The following MPPED2 variants were observed in gnomAD, a reference collection of about 807,000 sequenced individuals.
The protein encoded by MPPED2 is metallophosphoesterase domain containing 2.
Under a neutral mutation model 33.0 loss-of-function variants are expected in MPPED2, and 5 were observed. The ratio of observed to expected loss-of-function variants is 0.15; its 90% confidence interval spans 0.08 to 0.32. The LOEUF is 0.32. Among genes scored for constraint, MPPED2 ranks in the 10% least tolerant of loss-of-function variants. The pLI, the probability that MPPED2 is intolerant of heterozygous loss-of-function variation, is 1.00. For missense variants in MPPED2, 275 were observed against 372.1 expected, an observed-to-expected ratio of 0.74 and a Z score of 2.15; for synonymous variants, 136 against 141.9, an observed-to-expected ratio of 0.96 and a Z score of 0.29.
At chr11:30,401,886 A>G (rs808155) in intron 6 of MPPED2, among the ~76,000 whole-genome samples, 29,693 of 135,598 alleles carry the variant, frequency 0.22, 5,040 homozygotes, top group Non-Finnish European at 0.33. Flanking sequence ...TTTAGTAGAG[A>G]CAGGGTTTCA....
intron 4 of MPPED2, among the ~76,000 whole-genome samples, chr11:30,471,953 A>C (rs937603515): frequency 7.2e-6 from 1 of 138,920 alleles, no homozygotes; most frequent in African/African-American, 2.6e-5. Context: ...ACCAAATGAC[A>C]AAAAAAAAAC....
intron 2 of MPPED2, among the ~76,000 whole-genome samples, chr11:30,538,848 A>G (rs1954947250): frequency 6.6e-6 from 1 of 152,128 alleles, no homozygotes; most frequent in Non-Finnish European, 1.5e-5. Context: ...ACAGATGCAG[A>G]CTTTATATAG....
intron 4 of MPPED2, among the ~76,000 whole-genome samples, chr11:30,419,866 A>G (rs1374206525): frequency 6.6e-6 from 1 of 152,186 alleles, no homozygotes; most frequent in Non-Finnish European, 1.5e-5. Flanking sequence ...GAGGACTGTA[A>G]TGATGTTGTT....
intron 5 of MPPED2, among the ~76,000 whole-genome samples, chr11:30,415,600 C>G (rs113566096): frequency 6.6e-6 from 1 of 152,128 alleles, no homozygotes; most frequent in Non-Finnish European, 1.5e-5. Context: ...TTTAACAATA[C>G]CTTAGGAAGA....
intron 1 of MPPED2, among the ~76,000 whole-genome samples, chr11:30,582,895 C>G (rs1368652338): frequency 6.6e-6 from 1 of 152,180 alleles, no homozygotes; most frequent in Non-Finnish European, 1.5e-5. Flanking sequence ...TTCATCTTTG[C>G]CATGTTCCCT....
chr11:30,548,066 C>G (rs985564877), intron 2 of MPPED2, among the ~76,000 whole-genome samples: 1 of 152,130 alleles, frequency 6.6e-6, no homozygotes, highest in East Asian at 1.9e-4. Flanking sequence ...CAAGACCTGG[C>G]TTTGGACCAT....
intron 2 of MPPED2, among the ~76,000 whole-genome samples, chr11:30,553,865 A>C (rs1955837295): frequency 6.6e-6 from 1 of 152,350 alleles, no homozygotes; most frequent in South Asian, 2.1e-4. Flanking sequence ...AGAAAAGCCT[A>C]TACTGCAAGG....
At chr11:30,493,158 C>T (rs1264204365) in intron 4 of MPPED2, among the ~76,000 whole-genome samples, 1 of 151,950 alleles carries the variant, frequency 6.6e-6, no homozygotes, top group Non-Finnish European at 1.5e-5. Flanking sequence ...CCGAGGCGGG[C>T]GGATCACGAG....
At chr11:30,550,227 G>T (rs949362378) in intron 2 of MPPED2, among the ~76,000 whole-genome samples, 2 of 152,062 alleles carry the variant, frequency 1.3e-5, no homozygotes, top group African/African-American at 2.4e-5. Context: ...TCAGTGAAAA[G>T]ATTTATAATC....
At chr11:30,395,614 T>C (rs1947830846) in intron 6 of MPPED2, among the ~76,000 whole-genome samples, 1 of 152,212 alleles carries the variant, frequency 6.6e-6, no homozygotes, top group Admixed American at 6.5e-5. Flanking sequence ...GATGCAAACA[T>C]ATTCCTATTT....
intron 4 of MPPED2, among the ~76,000 whole-genome samples, chr11:30,485,907 A>G (rs1305224817): frequency 6.6e-5 from 10 of 152,186 alleles, no homozygotes; most frequent in Admixed American, 6.5e-4. Flanking sequence ...TATGAAGCAC[A>G]TAACACAACA....
At chr11:30,484,039 T>G (rs1951612684) in intron 4 of MPPED2, among the ~76,000 whole-genome samples, 1 of 152,244 alleles carries the variant, frequency 6.6e-6, no homozygotes, top group Non-Finnish European at 1.5e-5. Flanking sequence ...ACTCTGCTCT[T>G]CTTTTTCTTT....
intron 3 of MPPED2, among the ~76,000 whole-genome samples, chr11:30,504,247 CCT>C (rs1445428538): frequency 2.0e-5 from 3 of 152,098 alleles, no homozygotes; most frequent in Non-Finnish European, 4.4e-5. Context: ...ACTTTTGAAG[CCT>C]CTCTATTTCA....
intron 4 of MPPED2, among the ~76,000 whole-genome samples, chr11:30,436,074 T>TA (rs997723984): frequency 7.4e-6 from 1 of 134,496 alleles, no homozygotes; most frequent in Non-Finnish European, 1.6e-5. Context: ...TTTTTTTTTT[T>TA]ACTAACTGAG....
chr11:30,522,387 TACACACACACAC>T (rs60549510), intron 3 of MPPED2, among the ~76,000 whole-genome samples: 2,133 of 146,364 alleles, frequency 0.015, 48 homozygotes, highest in African/African-American at 0.051. Context: ...CAGGAAAACA[TACACACACACAC>T]ACACACACAC....
At chr11:30,417,426 T>TTTGG in intron 5 of MPPED2, 92 bp downstream of exon 5, 2 of 524,994 alleles carry the variant, frequency 3.8e-6, no homozygotes, top group South Asian at 3.1e-5. Context: ...TTTTTTTTTT[T>TTTGG]GGAGGAAAAT....
intron 3 of MPPED2, among the ~76,000 whole-genome samples, chr11:30,514,496 G>T (rs1265747765): frequency 6.6e-6 from 1 of 152,092 alleles, no homozygotes; most frequent in African/African-American, 2.4e-5. Flanking sequence ...GCTGAAAACT[G>T]CTTTGTGCCT....
At chr11:30,484,961 C>A (rs1019960507) in intron 4 of MPPED2, among the ~76,000 whole-genome samples, 1 of 152,034 alleles carries the variant, frequency 6.6e-6, no homozygotes, top group African/African-American at 2.4e-5. Context: ...CATGGTAATA[C>A]CACCATAGAA....
intron 6 of MPPED2, among the ~76,000 whole-genome samples, chr11:30,399,226 G>A (rs594207): frequency 0.36 from 54,316 of 151,484 alleles, 10,008 homozygotes; most frequent in Non-Finnish European, 0.38. Flanking sequence ...TCAAGCACAG[G>A]ACTTATGAGT....
Sources: allele counts gnomAD v4.1 joint callset (sites outside exome capture counted in the v4.1 genomes callset), GRCh38; gene constraint gnomAD v4.1.1; transcripts MANE v1.5; gene names NCBI Gene and HGNC (gene_info 2026-07-23, HGNC 2026-07-21).